Variants in RUFY4 observed in about 807,000 individuals in gnomAD.
RUFY4 encodes the protein RUN and FYVE domain-containing protein 4.
RUFY4 carries 73 observed loss-of-function variants against 69.0 expected under a neutral mutation model. The observed-to-expected ratio is 1.06, with a 90% CI of 0.88 to 1.29. The LOEUF (loss-of-function observed/expected upper bound fraction) is 1.29. RUFY4 is among the 50% of genes most tolerant of loss of function. The pLI, the probability that RUFY4 is intolerant of heterozygous loss-of-function variation, is 0.00. For missense variants in RUFY4, 770 were observed against 705.6 expected, an observed-to-expected ratio of 1.09 and a Z score of -1.03; for synonymous variants, 287 against 271.8, an observed-to-expected ratio of 1.06 and a Z score of -0.55.
intron 9 of RUFY4, among the ~76,000 whole-genome samples, chr2:218,083,706 C>T (rs1239733480): frequency 6.6e-6 from 1 of 151,686 alleles, no homozygotes; most frequent in African/African-American, 2.4e-5. Context: ...CAAGATCACA[C>T]CACTGCACTC....
intron 7 of RUFY4, among the ~76,000 whole-genome samples, chr2:218,076,207 A>G (rs1302713343): frequency 6.6e-6 from 1 of 152,166 alleles, no homozygotes; most frequent in East Asian, 1.9e-4. Flanking sequence ...CAAGTTTCTG[A>G]GTTTACAACT....
chr2:218,051,952 A>G (rs1688952352), intron 2 of RUFY4, among the ~76,000 whole-genome samples: 1 of 152,216 alleles, frequency 6.6e-6, no homozygotes, highest in Admixed American at 6.5e-5. Context: ...AATTTTCTAC[A>G]TAATTTCAAC....
intron 3 of RUFY4, chr2:218,060,854 T>A (rs763235550): frequency 6.6e-6 from 10 of 1,506,194 alleles, no homozygotes; most frequent in Non-Finnish European, 9.2e-6. Context: ...TAACATTGGA[T>A]GGGTAGAAGG....
chr2:218,080,125 G>A (rs371261517), intron 8 of RUFY4, among the ~76,000 whole-genome samples: 4 of 152,208 alleles, frequency 2.6e-5, no homozygotes, highest in Non-Finnish European at 2.9e-5. Context: ...AGATGCATAC[G>A]GGGTGTGGCT....
chr2:218,054,070 T>C (rs1178092662), intron 2 of RUFY4, among the ~76,000 whole-genome samples: 3 of 152,264 alleles, frequency 2.0e-5, no homozygotes, highest in East Asian at 1.9e-4. Flanking sequence ...ATTCTCATTT[T>C]TGTCTTAAAA....
At chr2:218,070,941 GCCACA>G in intron 2 of RUFY4, 82 bp downstream of exon 4, 1 of 1,047,928 alleles carries the variant, frequency 9.5e-7, no homozygotes, top group Non-Finnish European at 1.4e-6. Flanking sequence ...TCAGGGAGGA[GCCACA>G]GCCCCCTTCC....
chr2:218,061,685 G>A (rs917019857), intron 3 of RUFY4, among the ~76,000 whole-genome samples: 5 of 152,130 alleles, frequency 3.3e-5, no homozygotes, highest in African/African-American at 1.2e-4. Context: ...CATTTCCCAT[G>A]ACATCACAGT....
chr2:218,075,121 A>G, exon 7 of RUFY4: 1 of 1,543,142 alleles, frequency 6.5e-7, no homozygotes, highest in Non-Finnish European at 8.8e-7. Flanking sequence ...GGGCCTGAAA[A>G]TGTCCAGATT....
intron 10 of RUFY4, 128 bp downstream of exon 12, chr2:218,089,490 C>G: frequency 1.4e-6 from 1 of 696,322 alleles, no homozygotes; most frequent in Non-Finnish European, 2.5e-6. Context: ...TTACAGCTGA[C>G]TACTCATTCT....
chr2:218,089,655 AGCT>A (rs55931825), intron 10 of RUFY4: 11 of 702,734 alleles, frequency 1.6e-5, no homozygotes, highest in Non-Finnish European at 2.6e-5. Context: ...GTACAGCGTA[AGCT>A]GCTCCCCCTC....
chr2:218,066,042 G>A (rs1033837671), upstream of RUFY4, among the ~76,000 whole-genome samples: 16 of 152,268 alleles, frequency 1.1e-4, no homozygotes, highest in Middle Eastern at 3.4e-3. Flanking sequence ...AGGCATCAGG[G>A]CCTTGAGAGG....
At chr2:218,053,578 C>T (rs1044337215) in intron 2 of RUFY4, among the ~76,000 whole-genome samples, 2 of 152,034 alleles carry the variant, frequency 1.3e-5, no homozygotes, top group Non-Finnish European at 2.9e-5. Context: ...GGCGAGATCT[C>T]GGCTCACTGC....
chr2:218,064,453 C>G (rs1284070445), upstream of RUFY4, among the ~76,000 whole-genome samples: 1 of 152,218 alleles, frequency 6.6e-6, no homozygotes, highest in Non-Finnish European at 1.5e-5. Context: ...GGCTCTCCCA[C>G]CCACCTCTCC....
chr2:218,082,793 G>A (rs888100460), intron 8 of RUFY4, among the ~76,000 whole-genome samples: 4 of 151,454 alleles, frequency 2.6e-5, no homozygotes, highest in African/African-American at 4.9e-5. Flanking sequence ...TGTGCGTTAA[G>A]TCTGTTGAGA....
intron 2 of RUFY4, among the ~76,000 whole-genome samples, chr2:218,035,976 A>G (rs1438244876): frequency 2.0e-5 from 3 of 152,156 alleles, no homozygotes; most frequent in Non-Finnish European, 4.4e-5. Context: ...TAGTGTCCAC[A>G]TGGCATGAAC....
intron 6 of RUFY4, 165 bp downstream of exon 8, chr2:218,074,050 C>A: frequency 1.4e-6 from 1 of 710,906 alleles, no homozygotes; most frequent in Non-Finnish European, 2.5e-6. Flanking sequence ...TGGGGAGCTG[C>A]AGAGGAGGAG....
At chr2:218,048,977 T>C (rs1443691528) in intron 2 of RUFY4, among the ~76,000 whole-genome samples, 2 of 152,256 alleles carry the variant, frequency 1.3e-5, no homozygotes, top group Non-Finnish European at 2.9e-5. Flanking sequence ...GTTAGTTCTT[T>C]GTAATATTTA....
At chr2:218,079,235 G>T (rs909892234) in intron 8 of RUFY4, among the ~76,000 whole-genome samples, 2 of 152,222 alleles carry the variant, frequency 1.3e-5, no homozygotes, top group Non-Finnish European at 2.9e-5. Context: ...AGGGAGTCCA[G>T]CGAGGACCCT....
chr2:218,072,987 G>A (rs1479585440), intron 4 of RUFY4, 102 bp downstream of exon 6: 2 of 1,054,728 alleles, frequency 1.9e-6, no homozygotes, highest in Non-Finnish European at 2.7e-6. Flanking sequence ...TTCTATCAAG[G>A]ACAGTTACAA....
Sources: allele counts gnomAD v4.1 joint callset (sites outside exome capture counted in the v4.1 genomes callset), GRCh38; gene constraint gnomAD v4.1.1; transcripts MANE v1.5; gene names NCBI Gene and HGNC (gene_info 2026-07-23, HGNC 2026-07-21).